The following ADAMTS19 variants were observed in gnomAD, a reference collection of about 807,000 sequenced individuals.
ADAMTS19 encodes ADAM metallopeptidase with thrombospondin type 1 motif 19, also known as A disintegrin and metalloproteinase with thrombospondin motifs 19.
ADAMTS19 carries 93 observed loss-of-function variants against 153.3 expected under a neutral mutation model. The ratio of observed to expected loss-of-function variants is 0.61; its 90% CI spans 0.51 to 0.72. ADAMTS19 has a LOEUF of 0.72. ADAMTS19 is among the 30% of genes least tolerant of loss of function. ADAMTS19 has a pLI of 0.00. For missense variants in ADAMTS19, 1,482 were observed against 1,552.1 expected (o/e 0.95, Z 0.76); for synonymous variants, 600 against 556.6 (o/e 1.08, Z -1.10).
chr5:129,509,418 C>A (rs1751364312), intron 3 of ADAMTS19, among the ~76,000 whole-genome samples, 176 bp downstream of exon 3: 1 of 151,942 alleles, frequency 6.6e-6, no homozygotes, highest in Admixed American at 6.6e-5. Flanking sequence ...TGAAGCACTA[C>A]ATTTTAATAT....
At chr5:129,647,951 G>C (rs1357098592) in intron 12 of ADAMTS19, 56 bp downstream of exon 12, 6 of 1,559,418 alleles carry the variant, frequency 3.8e-6, no homozygotes, top group South Asian at 2.4e-5. Context: ...GAATGCAAAG[G>C]TTTTACTGAT....
rs529444004 is a variant in ADAMTS19 at position 129,645,885 on chromosome 5, A to ATTTTTTTTTTTTTTTTTTTTTTTTTT, written c.1873-1859_1873-1858insTTTTTTTTTTTTTTTTTTTTTTTTTT. Among the ~76,000 whole-genome samples, 36 of 97,096 alleles carry ATTTTTTTTTTTTTTTTTTTTTTTTTT rather than the reference A, an allele frequency of 3.7e-4. 3 individuals carry two copies. The highest frequency in any genetic ancestry group is 1.4e-3 in the East Asian group (4 of 2,868). The allele number at this position is 97,096 out of a possible 152,430, so 63.7% of individuals were successfully genotyped here. On this transcript the variant is annotated intron_variant, in intron 11 of 22. Coordinates refer to ENST00000274487, the MANE Select transcript of ADAMTS19 (RefSeq NM_133638.6). ...CACATGGTTTCTTTCTCCTTTTCCA[A>ATTTTTTTTTTTTTTTTTTTTTTTTTT]TTTTTTTTTTTTTTTTTTTTTGAGA...
intron 18 of ADAMTS19, among the ~76,000 whole-genome samples, chr5:129,694,121 T>A (rs1195206067): frequency 2.0e-5 from 3 of 152,204 alleles, no homozygotes; most frequent in African/African-American, 4.8e-5. Context: ...CTTTACAATG[T>A]CTTCAGTTTG....
At chr5:129,662,713 A>G (rs1561635124) in intron 15 of ADAMTS19, among the ~76,000 whole-genome samples, 3 of 152,036 alleles carry the variant, frequency 2.0e-5, no homozygotes, top group African/African-American at 4.8e-5. Context: ...ATTAACAGTT[A>G]TCTCTTGATT....
rs371312401 is a variant in ADAMTS19 at position 129,460,316 on chromosome 5, G to A, written c.-76G>A. On this transcript the variant is annotated 5_prime_UTR_variant, in exon 1 of 23. Transcript: ENST00000274487. ...GCCGCCCGGCCTCCTAGCGCTCCGGGGAGGCCGCTGCGCCCCGGAGTGGAT... is the reference window on the plus strand; with the variant it reads ...GCCGCCCGGCCTCCTAGCGCTCCGGAGAGGCCGCTGCGCCCCGGAGTGGAT... 7 of 1,330,458 alleles carry A rather than the reference G, an allele frequency of 5.3e-6. No individual in the cohort carries two copies. The highest frequency in any genetic ancestry group is 7.4e-6 in the Non-Finnish European group (7 of 945,740). The allele number at this position is 1,330,458 out of a possible 1,614,324, so 82.4% of individuals were successfully genotyped here. A position where few individuals can be genotyped will look rare whatever the true frequency, so the allele number is the denominator to read the frequency against.
At chr5:129,610,167 T>C (rs1751131374) in intron 8 of ADAMTS19, among the ~76,000 whole-genome samples, 2 of 152,028 alleles carry the variant, frequency 1.3e-5, no homozygotes, top group South Asian at 2.1e-4. Context: ...TTACACACCA[T>C]ATATGTGAAG....
intron 2 of ADAMTS19, among the ~76,000 whole-genome samples, chr5:129,479,026 A>G (rs892209749): frequency 2.0e-5 from 3 of 152,106 alleles, no homozygotes; most frequent in Non-Finnish European, 2.9e-5. Flanking sequence ...ACAGAAACCC[A>G]CTAAGGTACG....
chr5:129,661,003 A>G (rs1470504340), intron 15 of ADAMTS19, among the ~76,000 whole-genome samples: 1 of 152,110 alleles, frequency 6.6e-6, no homozygotes, highest in African/African-American at 2.4e-5. Flanking sequence ...GGAATTTCCA[A>G]ATGTGTATCG....
intron 7 of ADAMTS19, among the ~76,000 whole-genome samples, chr5:129,595,798 CTTGGTAACAATTCA>C (rs1750346821): frequency 6.6e-6 from 1 of 151,996 alleles, no homozygotes; most frequent in African/African-American, 2.4e-5. Context: ...ATAACTTACA[CTTGGTAACAATTCA>C]TTTTCTGAAA....
chr5:129,652,421 A>C (rs1753356225), intron 13 of ADAMTS19, among the ~76,000 whole-genome samples: 2 of 152,212 alleles, frequency 1.3e-5, no homozygotes. Context: ...TTTAGAGAAA[A>C]GACATGCATG....
chr5:129,543,288 G>A (rs1752727443), intron 6 of ADAMTS19, among the ~76,000 whole-genome samples: 1 of 151,986 alleles, frequency 6.6e-6, no homozygotes, highest in South Asian at 2.1e-4. Flanking sequence ...CCGACCTCAG[G>A]TGATTCACAC....
At position 129,571,603 on chromosome 5, in the gene ADAMTS19, C is replaced by T. The variant is rs1753911008; in HGVS notation, c.1372+19696C>T. On this transcript the variant is annotated intron_variant, in intron 7 of 22. Transcript: ENST00000274487. ...TGGTATGGATATACCACTTCTCAGACTGATCTATACATTTAACATAATGCA... is the reference window on the plus strand; with the variant it reads ...TGGTATGGATATACCACTTCTCAGATTGATCTATACATTTAACATAATGCA... 2.6e-5 allele frequency among the ~76,000 whole-genome samples: 4 copies of T among 151,656 alleles called. No individual in the cohort carries two copies. The South Asian group carries it at 8.3e-4, about 31-fold the overall frequency.
At chr5:129,590,650 G>A (rs1283865120) in intron 7 of ADAMTS19, among the ~76,000 whole-genome samples, 4 of 152,020 alleles carry the variant, frequency 2.6e-5, no homozygotes, top group East Asian at 1.9e-4. Context: ...TGTAACTTCC[G>A]TAAGAGTATT....
At chr5:129,544,648 T>C (rs1321178301) in intron 6 of ADAMTS19, among the ~76,000 whole-genome samples, 3 of 152,164 alleles carry the variant, frequency 2.0e-5, no homozygotes, top group Admixed American at 1.3e-4. Flanking sequence ...AGTAAGCAAC[T>C]AAGGTAATGT....
At chr5:129,516,760 A>G (rs936682275) in intron 3 of ADAMTS19, among the ~76,000 whole-genome samples, 9 of 148,744 alleles carry the variant, frequency 6.1e-5, no homozygotes, top group Non-Finnish European at 7.5e-5. Flanking sequence ...TGTTTTATTG[A>G]TTTTTTTTGT....
chr5:129,496,878 G>C (rs921586694), intron 2 of ADAMTS19, among the ~76,000 whole-genome samples: 22 of 152,060 alleles, frequency 1.4e-4, no homozygotes, highest in African/African-American at 4.8e-4. Context: ...ATAGGTCAAA[G>C]TTAGTTAATA....
At chr5:129,491,990 T>C (rs1329155012) in intron 2 of ADAMTS19, among the ~76,000 whole-genome samples, 2 of 152,240 alleles carry the variant, frequency 1.3e-5, no homozygotes, top group African/African-American at 4.8e-5. Context: ...TGTATTCGTC[T>C]GTTCTTCCAT....
rs181993070 is a variant in ADAMTS19 at position 129,490,106 on chromosome 5, A to G, written c.748-18971A>G. Among the ~76,000 whole-genome samples the G allele has an allele frequency of 6.6e-5, 10 of 152,332 alleles. No homozygotes were observed. In the East Asian group the frequency reaches 1.9e-3, roughly 29 times the overall value. On this transcript the variant is annotated intron_variant, in intron 2 of 22. Transcript: ENST00000274487. ...TTCAGGCAGATCTGAAAGAAAATGT[A>G]TGAAATGAATTACTCCCGGCATTCC... is the stretch of plus-strand genomic sequence containing the variant.
At chr5:129,494,766 T>C (rs565938098) in intron 2 of ADAMTS19, among the ~76,000 whole-genome samples, 5 of 152,300 alleles carry the variant, frequency 3.3e-5, no homozygotes, top group South Asian at 2.1e-4. Context: ...AATTATATTG[T>C]GATCCTCATA....
Sources: allele counts gnomAD v4.1 joint callset (sites outside exome capture counted in the v4.1 genomes callset), GRCh38; gene constraint gnomAD v4.1.1; transcripts MANE v1.5; gene names NCBI Gene and HGNC (gene_info 2026-07-23, HGNC 2026-07-21).